The following SYN3 variants were observed in gnomAD, a reference collection of about 807,000 sequenced individuals.
SYN3 encodes the protein synapsin III.
In SYN3, 35 loss-of-function variants were observed where a neutral mutation model predicts 65.8. That is an observed-to-expected ratio of 0.53 (90% CI 0.41 to 0.70). SYN3 has a LOEUF of 0.70. SYN3 is among the 30% of genes least tolerant of loss of function. The pLI is 0.00. For missense variants in SYN3, 680 were observed against 749.0 expected (o/e 0.91, Z 1.08); for synonymous variants, 270 against 292.9 (o/e 0.92, Z 0.80).
chr22:32,589,937 T>C (rs2059104942), intron 7 of SYN3, among the ~76,000 whole-genome samples: 1 of 152,186 alleles, frequency 6.6e-6, no homozygotes, highest in Non-Finnish European at 1.5e-5. Context: ...GGGCTCTTGT[T>C]TTTGTTCTGG....
intron 12 of SYN3, among the ~76,000 whole-genome samples, chr22:32,525,479 G>A (rs1031817663): frequency 6.6e-6 from 1 of 152,194 alleles, no homozygotes; most frequent in African/African-American, 2.4e-5. Context: ...AGGCTGAGGC[G>A]GGCGGATCAC....
chr22:32,596,687 G>A lies in SYN3; in HGVS notation c.761C>T (p.Ala254Val). The change falls in exon 7 of 14, where the codon GCT becomes GTT. Residue 254 changes from alanine (A) to valine (V), a missense_variant. Ala to Val is a moderately conservative substitution (Grantham distance 64). Coordinates refer to ENST00000358763, the MANE Select transcript of SYN3 (RefSeq NM_003490.4). ...TGTTTCTCATACCTTTCCCATTCCA[G>A]CGTGGGCATGTCCCAGCTTGACTAC... ...PVVVKLGHAH[A>V]GMGKIKVENQ... is the part of the protein sequence containing the mutation. The A allele has an allele frequency of 6.2e-7, 1 of 1,614,062 alleles. No homozygotes were observed. Among genetic ancestry groups the A allele is most frequent in the Non-Finnish European group, 8.5e-7 (1 of 1,179,962 alleles).
chr22:32,948,354 T>A (rs144695635), intron 3 of SYN3, among the ~76,000 whole-genome samples: 2 of 152,296 alleles, frequency 1.3e-5, no homozygotes, highest in African/African-American at 4.8e-5. Flanking sequence ...GGGGAGTAAC[T>A]CAATTCCTAA....
chr22:32,572,792 C>G (rs1279530471), intron 7 of SYN3, among the ~76,000 whole-genome samples: 1 of 152,196 alleles, frequency 6.6e-6, no homozygotes, highest in Admixed American at 6.5e-5. Flanking sequence ...ACTTCAGCAA[C>G]TCCAGCTCGT....
rs555925201 is a variant in SYN3 at position 32,994,028 on chromosome 22, C to A, written c.311+12324G>T. Among the ~76,000 whole-genome samples, 7 of 152,292 alleles carry A rather than the reference C, an allele frequency of 4.6e-5. No individual in the cohort carries two copies. The East Asian group carries it at 5.8e-4, about 13-fold the overall frequency. Reference sequence around the variant, plus strand: ...GGGTAACAACTCTTCACTGTTCCCCCCTCCTCCCCGAAAGAGCTGGGTAGG... The same window carrying A: ...GGGTAACAACTCTTCACTGTTCCCCACTCCTCCCCGAAAGAGCTGGGTAGG... On this transcript the variant is annotated intron_variant, in intron 2 of 13. Transcript: ENST00000358763.
chr22:32,642,953 T>G (rs555794667), intron 6 of SYN3, among the ~76,000 whole-genome samples: 1 of 152,338 alleles, frequency 6.6e-6, no homozygotes. Context: ...TACCTAAAAG[T>G]TATACTTGTA....
At chr22:32,940,713 A>C (rs2050911485) in intron 3 of SYN3, among the ~76,000 whole-genome samples, 1 of 152,140 alleles carries the variant, frequency 6.6e-6, no homozygotes, top group African/African-American at 2.4e-5. Context: ...ATTTTATTCT[A>C]TTTATCAATT....
chr22:32,546,965 C>T (rs996923001), intron 7 of SYN3, among the ~76,000 whole-genome samples: 6 of 150,732 alleles, frequency 4.0e-5, no homozygotes, highest in African/African-American at 1.5e-4. Flanking sequence ...CTTGCCTTCT[C>T]TCTTACTCTG....
chr22:32,825,462 C>T (rs529859712), intron 6 of SYN3, among the ~76,000 whole-genome samples: 1 of 151,764 alleles, frequency 6.6e-6, no homozygotes. Context: ...AGCTCAAGAC[C>T]AGTCTGGCCA....
chr22:32,690,184 A>AGT, intron 6 of SYN3, among the ~76,000 whole-genome samples: 1 of 152,228 alleles, frequency 6.6e-6, no homozygotes, highest in Middle Eastern at 3.4e-3. Context: ...AAAAAAAGGA[A>AGT]AAAGGCCCAA....
chr22:32,698,661 T>C (rs2060770523), intron 6 of SYN3, among the ~76,000 whole-genome samples: 1 of 152,234 alleles, frequency 6.6e-6, no homozygotes, highest in Non-Finnish European at 1.5e-5. Flanking sequence ...ATTAGTTCTG[T>C]TATCCTTAGT....
At chr22:32,790,018 G>A (rs927344855) in intron 6 of SYN3, among the ~76,000 whole-genome samples, 3 of 152,328 alleles carry the variant, frequency 2.0e-5, no homozygotes, top group East Asian at 3.9e-4. Context: ...TGAGGTAGGC[G>A]CTATTGTTGT....
chr22:33,008,145 C>T (rs1402386574), intron 1 of SYN3, among the ~76,000 whole-genome samples: 1 of 152,146 alleles, frequency 6.6e-6, no homozygotes, highest in African/African-American at 2.4e-5. Context: ...CCATGTTGGC[C>T]ATGCTGGTCT....
intron 6 of SYN3, among the ~76,000 whole-genome samples, chr22:32,798,238 G>C (rs1389918135): frequency 6.6e-6 from 1 of 151,990 alleles, no homozygotes; most frequent in African/African-American, 2.4e-5. Context: ...TTTCTCTGTG[G>C]GCTGGGCACT....
chr22:32,883,722 T>C (rs1378542872), intron 4 of SYN3, among the ~76,000 whole-genome samples: 2 of 152,226 alleles, frequency 1.3e-5, no homozygotes, highest in Non-Finnish European at 2.9e-5. Flanking sequence ...TGTGATGATA[T>C]CTCCATTCAG....
chr22:32,965,022 G>A lies in SYN3; in HGVS notation c.369+15623C>T, dbSNP rs554860811. Among the ~76,000 whole-genome samples the A allele has an allele frequency of 2.6e-5, 4 of 152,294 alleles. No individual in the cohort carries two copies. In the East Asian group the frequency reaches 7.7e-4, roughly 29 times the overall value. On this transcript the variant is annotated intron_variant, in intron 3 of 13. Coordinates refer to ENST00000358763, the MANE Select transcript of SYN3 (RefSeq NM_003490.4). ...TGAGATAGAAAGGTGGTCAATGCAG[G>A]GGTCAGTGGTATGGGCTCTGGAGCA...
At chr22:32,777,958 G>A (rs17503) in intron 6 of SYN3, among the ~76,000 whole-genome samples, 86,740 of 151,992 alleles carry the variant, frequency 0.57, 25,304 homozygotes, top group African/African-American at 0.7. Flanking sequence ...ACCATCCTGC[G>A]TCTCAGAGGT....
chr22:32,524,084 T>C (rs748563353), intron 12 of SYN3, among the ~76,000 whole-genome samples: 9 of 152,066 alleles, frequency 5.9e-5, no homozygotes, highest in South Asian at 2.1e-4. Flanking sequence ...CTAGCAGAGG[T>C]TGGTGGGTGA....
At chr22:32,676,470 CCTT>C (rs2060443013) in intron 6 of SYN3, among the ~76,000 whole-genome samples, 1 of 151,682 alleles carries the variant, frequency 6.6e-6, no homozygotes, top group Non-Finnish European at 1.5e-5. Context: ...AGTGTAGCCT[CCTT>C]CTCCAGACAA....
Sources: gnomAD v4.1 joint callset for allele counts (sites outside exome capture counted in the v4.1 genomes callset) on GRCh38, gnomAD v4.1.1 for gene constraint, MANE v1.5 for transcripts, NCBI Gene and HGNC (gene_info 2026-07-23, HGNC 2026-07-21) for gene names.